CCZ1: variants seen among roughly 807,000 people sequenced by gnomAD.
CCZ1 encodes the protein CCZ1 vacuolar protein trafficking and biogenesis associated.
In CCZ1, 19 loss-of-function variants were observed where a neutral mutation model predicts 57.8. That is an observed-to-expected ratio of 0.33 (90% CI 0.23 to 0.48). The LOEUF is 0.48. CCZ1 is among the 20% of genes least tolerant of loss of function. The probability of loss-of-function intolerance (pLI) is 0.99; values close to 1 mark genes in which losing one functional copy is unlikely to be tolerated. For missense variants in CCZ1, 200 were observed against 492.0 expected (o/e 0.41, Z 5.61); for synonymous variants, 81 against 167.0 (o/e 0.49, Z 3.97).
intron 5 of CCZ1, 182 bp from the exon 6 acceptor site, chr7:5,902,479 A>C: frequency 8.7e-7 from 1 of 1,145,136 alleles, no homozygotes; most frequent in Admixed American, 3.5e-5. Flanking sequence ...AGCATCACTT[A>C]ACAGTATTTT....
intron 6 of CCZ1, among the ~76,000 whole-genome samples, chr7:5,904,078 C>A (rs1369199446): frequency 2.4e-5 from 3 of 125,226 alleles, no homozygotes; most frequent in African/African-American, 3.3e-5. Flanking sequence ...AGCATTAAGG[C>A]AGGGAGTTAA....
chr7:5,920,692 G>C (rs1337409828), intron 12 of CCZ1, among the ~76,000 whole-genome samples: 1 of 140,052 alleles, frequency 7.1e-6, no homozygotes, highest in African/African-American at 2.6e-5. Flanking sequence ...GATTGGTCTT[G>C]AACTCCTGAC....
intron 6 of CCZ1, among the ~76,000 whole-genome samples, chr7:5,904,615 G>A (rs1781761233): frequency 6.8e-6 from 1 of 146,538 alleles, no homozygotes; most frequent in African/African-American, 2.6e-5. Flanking sequence ...GGCAGATCAC[G>A]AGTCAGGAGA....
chr7:5,900,736 G>C, intron 3 of CCZ1, 119 bp from the exon 4 acceptor site: 1 of 1,550,124 alleles, frequency 6.5e-7, no homozygotes, highest in Non-Finnish European at 8.7e-7. Context: ...TTCATTCTTG[G>C]GGCTGTTTTA....
At chr7:5,900,628 T>C (rs1348636278) in intron 3 of CCZ1, 62 bp downstream of exon 3, 1 of 1,506,342 alleles carries the variant, frequency 6.6e-7, no homozygotes, top group Non-Finnish European at 8.8e-7. Context: ...TGATCTTTAC[T>C]GTTCAGAATT....
In CCZ1 at chr7:5,914,650, GGATCACCTGA is replaced by G. The variant is rs1460029702; in HGVS notation, c.954+1698_954+1707del. On this transcript the variant is annotated intron_variant, in intron 10 of 14. Transcript: ENST00000325974. ...AACACTTTGGGAGGCCAAGGTGGGC[GGATCACCTGA>G]GGTCTGGAGTTCGAGACCAGCCTGG... Among the ~76,000 whole-genome samples the G allele has an allele frequency of 2.2e-4, 33 of 148,406 alleles. 4 individuals are homozygous for G. The highest frequency in any genetic ancestry group is 7.1e-4 in the African/African-American group (28 of 39,690).
At chr7:5,913,087 C>G (rs1779073625) in intron 10 of CCZ1, 133 bp downstream of exon 10, 1 of 737,696 alleles carries the variant, frequency 1.4e-6, no homozygotes, top group Non-Finnish European at 2.2e-6. Context: ...TATGGTAAAA[C>G]TCAAAATGGG....
chr7:5,907,816 A>T (rs1331128747), intron 7 of CCZ1, among the ~76,000 whole-genome samples: 1 of 9,442 alleles, frequency 1.1e-4, no homozygotes, highest in East Asian at 5.2e-3. Context: ...CTTCAAGCAA[A>T]ACAGGCGCCA....
intron 7 of CCZ1, among the ~76,000 whole-genome samples, chr7:5,907,048 A>T (rs188491619): frequency 2.0e-5 from 3 of 148,826 alleles, no homozygotes; most frequent in Non-Finnish European, 4.4e-5. Context: ...TTTTGTAGAG[A>T]TGGGGTTTTA....
In CCZ1 at chr7:5,904,410, A is replaced by C. The variant is rs373164699; in HGVS notation, c.523-684A>C. Among the ~76,000 whole-genome samples the C allele has an allele frequency of 8.2e-5, 12 of 146,280 alleles. 2 individuals are homozygous for C. Among genetic ancestry groups the C allele is most frequent in the Non-Finnish European group, 1.3e-4 (9 of 67,480 alleles). On this transcript the variant is annotated intron_variant, in intron 6 of 14. Transcript: ENST00000325974. ...CAGGAATTAAAAACTTGAAAGTGCT[A>C]GCTGGGCACAGTGGCTCATGCCTGT...
intron 7 of CCZ1, among the ~76,000 whole-genome samples, chr7:5,908,553 A>G (rs546718774): frequency 1.4e-5 from 2 of 147,344 alleles, no homozygotes; most frequent in African/African-American, 2.5e-5. Context: ...AAATTTTTAT[A>G]TTTTTTAGTA....
intron 6 of CCZ1, among the ~76,000 whole-genome samples, chr7:5,903,623 A>G (rs1781734336): frequency 7.4e-6 from 1 of 134,528 alleles, no homozygotes; most frequent in Non-Finnish European, 1.5e-5. Context: ...TCTTGTCCTC[A>G]TTTCTCTCTT....
intron 10 of CCZ1, among the ~76,000 whole-genome samples, chr7:5,915,367 G>GA (rs1274129502): frequency 2.8e-5 from 4 of 142,020 alleles, no homozygotes; most frequent in African/African-American, 1.0e-4. Context: ...CCCATCTCAA[G>GA]AAAAAAATCA....
intron 12 of CCZ1, among the ~76,000 whole-genome samples, chr7:5,920,426 C>T (rs1283583206): frequency 2.3e-4 from 28 of 120,562 alleles, no homozygotes; most frequent in Middle Eastern, 4.5e-3. Flanking sequence ...TTCACTCCTC[C>T]GGCTCTCTAG....
At chr7:5,899,675 G>C (rs1159297702) in intron 1 of CCZ1, among the ~76,000 whole-genome samples, 133 of 147,646 alleles carry the variant, frequency 9.0e-4, no homozygotes, top group African/African-American at 3.2e-3. Context: ...GCTGAGGCCA[G>C]AGGATCGCTT....
In CCZ1 at chr7:5,899,332, GGGGTGTGTGTGTGTGTGTGTGT is replaced by G. The variant is rs1221112101; in HGVS notation, c.120+415_120+436del. ...GAGGAAATAAATTAATTTCGGGAGG[GGGGTGTGTGTGTGTGTGTGTGT>G]GTGTGTGTGTGTGTGTGTGTGTGTG... On this transcript the variant is annotated intron_variant, in intron 1 of 14. Coordinates refer to ENST00000325974, the MANE Select transcript of CCZ1 (RefSeq NM_015622.6). Among the ~76,000 whole-genome samples the G allele has an allele frequency of 2.1e-3, 268 of 128,534 alleles. 2 individuals carry two copies. Among genetic ancestry groups the G allele is most frequent in the South Asian group, 3.3e-3 (14 of 4,226 alleles). 84.3% of individuals were successfully genotyped at this position (128,534 alleles called of 152,430 possible).
chr7:5,911,149 A>C (rs1469429230), intron 8 of CCZ1, among the ~76,000 whole-genome samples: 1 of 149,100 alleles, frequency 6.7e-6, no homozygotes, highest in African/African-American at 2.5e-5. Context: ...TTTTCAGTAG[A>C]TGTTTTAGTG....
chr7:5,907,545 G>A (rs1407381179), intron 7 of CCZ1, among the ~76,000 whole-genome samples: 1 of 146,810 alleles, frequency 6.8e-6, no homozygotes, highest in Non-Finnish European at 1.5e-5. Flanking sequence ...AAGAGGGAAG[G>A]CTTAGAGCAG....
intron 9 of CCZ1, among the ~76,000 whole-genome samples, chr7:5,912,466 C>T (rs1779060224): frequency 8.0e-6 from 1 of 125,698 alleles, no homozygotes; most frequent in Non-Finnish European, 1.6e-5. Flanking sequence ...GTGGCACGAT[C>T]TCAGCTCACT....
Sources: allele counts gnomAD v4.1 joint callset (sites outside exome capture counted in the v4.1 genomes callset), GRCh38; gene constraint gnomAD v4.1.1; transcripts MANE v1.5; gene names NCBI Gene and HGNC (gene_info 2026-07-23, HGNC 2026-07-21).